The following AFTPH variants were observed in gnomAD, a reference collection of about 807,000 sequenced individuals.
The protein encoded by AFTPH is aftiphilin protein.
AFTPH carries 7 observed loss-of-function variants against 72.5 expected under a neutral mutation model. The observed-to-expected ratio is 0.10, with a 90% CI of 0.05 to 0.18. The LOEUF is 0.18. AFTPH is among the 10% of genes least tolerant of loss of function. The pLI, the probability that AFTPH is intolerant of heterozygous loss-of-function variation, is 1.00. For missense variants in AFTPH, 979 were observed against 1,060.5 expected (o/e 0.92, Z 1.07); for synonymous variants, 337 against 370.1 (o/e 0.91, Z 1.03).
intron 1 of AFTPH, among the ~76,000 whole-genome samples, chr2:64,550,682 CACA>C (rs1670981313): frequency 2.9e-5 from 1 of 34,240 alleles, no homozygotes; most frequent in Admixed American, 2.0e-4. Context: ...CGCATGCACA[CACA>C]CACACACACA....
intron 8 of AFTPH, among the ~76,000 whole-genome samples, chr2:64,586,099 C>G (rs1022227357): frequency 1.3e-5 from 2 of 152,174 alleles, no homozygotes; most frequent in African/African-American, 2.4e-5. Flanking sequence ...ACTAAAGGCA[C>G]GGAATGTCAC....
intron 1 of AFTPH, among the ~76,000 whole-genome samples, chr2:64,541,961 C>G (rs911693374): frequency 6.6e-6 from 1 of 152,094 alleles, no homozygotes; most frequent in Non-Finnish European, 1.5e-5. Context: ...TTTCTTCTCC[C>G]TTTTATCACC....
chr2:64,582,409 A>G (rs935851550), intron 7 of AFTPH, among the ~76,000 whole-genome samples: 2 of 152,178 alleles, frequency 1.3e-5, no homozygotes, highest in African/African-American at 4.8e-5. Flanking sequence ...GGGAAGTTCC[A>G]AGGTCATTTG....
At chr2:64,553,295 G>A in exon 2 of AFTPH, 1 of 1,614,062 alleles carries the variant, frequency 6.2e-7, no homozygotes, top group Non-Finnish European at 8.5e-7. Context: ...AGTCACATAG[G>A]ACAGATGAAA....
intron 1 of AFTPH, 111 bp from the exon 2 acceptor site, chr2:64,551,332 A>T: frequency 1.2e-6 from 1 of 836,318 alleles, no homozygotes; most frequent in South Asian, 2.0e-5. Flanking sequence ...AAAGGAGACA[A>T]AATAGAGCAT....
intron 7 of AFTPH, among the ~76,000 whole-genome samples, chr2:64,583,532 G>A (rs1238061621): frequency 6.6e-6 from 1 of 151,848 alleles, no homozygotes; most frequent in Non-Finnish European, 1.5e-5. Flanking sequence ...GTTTTTACTA[G>A]CACTTACCTA....
chr2:64,562,258 G>A (rs1041898853), intron 2 of AFTPH, among the ~76,000 whole-genome samples: 7 of 151,390 alleles, frequency 4.6e-5, no homozygotes, highest in Admixed American at 4.6e-4. Context: ...GTATAAAAAT[G>A]ATTTAGATGG....
At chr2:64,552,030 T>C (rs758695346) in exon 2 of AFTPH, 1 of 1,613,872 alleles carries the variant, frequency 6.2e-7, no homozygotes, top group Non-Finnish European at 8.5e-7. Context: ...AACAAATGGG[T>C]TTGCAGTGTT....
At chr2:64,580,941 A>T (rs1673160169) in intron 7 of AFTPH, 1 of 263,412 alleles carries the variant, frequency 3.8e-6, no homozygotes, top group African/African-American at 2.2e-5. Context: ...AACCTTACTA[A>T]GTGTTACATT....
intron 6 of AFTPH, chr2:64,578,767 C>T (rs1333872370): frequency 6.6e-6 from 1 of 152,232 alleles, no homozygotes; most frequent in Non-Finnish European, 1.5e-5. Flanking sequence ...ACTGTGTTAG[C>T]CAGGATGGTC....
At chr2:64,530,326 G>T (rs917145081) in intron 1 of AFTPH, among the ~76,000 whole-genome samples, 1 of 151,902 alleles carries the variant, frequency 6.6e-6, no homozygotes, top group Non-Finnish European at 1.5e-5. Flanking sequence ...TAATATTCAA[G>T]GCCATATTCA....
rs1284268689 is a variant in AFTPH, at chr2:64,582,139, GTGCCGTAGAGA to G, written c.2455+2598_2455+2608del. 4.9e-4 allele frequency among the ~76,000 whole-genome samples: 75 copies of G among 152,316 alleles called. 1 individual carries two copies. The highest frequency in any genetic ancestry group is 1.5e-4 in the Non-Finnish European group (10 of 68,018). On this transcript the variant is annotated intron_variant, in intron 7 of 8. Coordinates refer to ENST00000238856, the Ensembl canonical transcript of AFTPH. ...CATTGATCACCAGACAGCTGTTGGG[GTGCCGTAGAGA>G]TGCCCATGCCCAGAATGCATAGTGA... is the stretch of plus-strand genomic sequence containing the variant.
intron 1 of AFTPH, among the ~76,000 whole-genome samples, chr2:64,533,002 C>T (rs1174738021): frequency 6.6e-6 from 1 of 152,100 alleles, no homozygotes; most frequent in Non-Finnish European, 1.5e-5. Context: ...TTATTTGATT[C>T]TTTGGAAACA....
intron 2 of AFTPH, among the ~76,000 whole-genome samples, chr2:64,558,416 A>G (rs143217064): frequency 8.5e-5 from 13 of 152,312 alleles, no homozygotes; most frequent in African/African-American, 2.9e-4. Flanking sequence ...AACATCACTG[A>G]ACCTCTAAAT....
At chr2:64,527,507 G>C (rs1669347624) in intron 1 of AFTPH, among the ~76,000 whole-genome samples, 1 of 151,588 alleles carries the variant, frequency 6.6e-6, no homozygotes, top group Admixed American at 6.6e-5. Context: ...TTGAACCCGG[G>C]AGGCGGAGGT....
intron 2 of AFTPH, among the ~76,000 whole-genome samples, chr2:64,564,632 A>AAC: frequency 6.9e-6 from 1 of 144,540 alleles, no homozygotes; most frequent in South Asian, 2.2e-4. Context: ...AAAAAATAAA[A>AAC]AATAAAATAA....
chr2:64,592,078 A>C, exon 9 of AFTPH: 1 of 1,555,104 alleles, frequency 6.4e-7, no homozygotes, highest in Non-Finnish European at 8.8e-7. Context: ...CCTTTTTTCC[A>C]TCCCTTCCCT....
intron 6 of AFTPH, among the ~76,000 whole-genome samples, chr2:64,578,334 G>A (rs1375596536): frequency 6.6e-6 from 1 of 152,002 alleles, no homozygotes; most frequent in Non-Finnish European, 1.5e-5. Flanking sequence ...AAAAAAAGAC[G>A]ATAACATTTT....
rs1671091813 is a variant in AFTPH at position 64,552,246 on chromosome 2, G to A, written c.772G>A (p.Ala258Thr). Residue 258 changes from alanine to threonine, a missense_variant, in exon 2 of 9, where the codon GCA becomes ACA. Around this residue, in one of 3 missense-constraint regions of AFTPH, gnomAD observed 498 missense variants for 467.6 expected, o/e 1.06. Coordinates refer to ENST00000238856, the Ensembl canonical transcript of AFTPH. ...ATGTGCAGTTTTAAATGATAGAGAA[G>A]CACTAACCATTCGGGAAAACAATAA... The A allele has an allele frequency of 1.3e-5, 21 of 1,613,954 alleles. No individual in the cohort carries two copies. In the East Asian group the frequency reaches 4.5e-4, roughly 34 times the overall value.
Sources: allele counts gnomAD v4.1 joint callset (sites outside exome capture counted in the v4.1 genomes callset), GRCh38; gene constraint gnomAD v4.1.1; regional missense constraint gnomAD v4.1.1; transcripts MANE v1.5; gene names NCBI Gene and HGNC (gene_info 2026-07-23, HGNC 2026-07-21).